DIAPH1: variants seen among roughly 807,000 people sequenced by gnomAD.
The protein encoded by DIAPH1 is protein diaphanous homolog 1.
A neutral mutation model predicts 140.7 loss-of-function variants in DIAPH1; 46 were observed. The observed-to-expected ratio is 0.33, with a 90% CI of 0.26 to 0.42. The LOEUF (loss-of-function observed/expected upper bound fraction) is 0.42. Ranked by LOEUF, DIAPH1 falls within the 10% of genes least tolerant of loss-of-function variation. The pLI is 1.00. For missense variants in DIAPH1, 1,310 were observed against 1,558.7 expected, an observed-to-expected ratio of 0.84 and a Z score of 2.69; for synonymous variants, 565 against 551.6, an observed-to-expected ratio of 1.02 and a Z score of -0.34.
At chr5:141,524,376 C>T in intron 26 of DIAPH1, 147 bp from the exon 27 acceptor site, 1 of 754,710 alleles carries the variant, frequency 1.3e-6, no homozygotes, top group South Asian at 1.5e-5. Flanking sequence ...AGAGCTCAGC[C>T]TTAAGTCTCA....
intron 1 of DIAPH1, among the ~76,000 whole-genome samples, chr5:141,611,919 T>C (rs2099901906): frequency 6.6e-6 from 1 of 151,950 alleles, no homozygotes; most frequent in African/African-American, 2.4e-5. Context: ...ATACAAAAAT[T>C]AGCTGGGTGT....
rs572038270 is a variant in DIAPH1 at position 141,547,281 on chromosome 5, C to T, written c.2483-12848G>A. 5.3e-5 allele frequency among the ~76,000 whole-genome samples: 8 copies of T among 152,162 alleles called. No individual in the cohort carries two copies. In the East Asian group the frequency reaches 1.4e-3, roughly 26 times the overall value. On this transcript the variant is annotated intron_variant, in intron 18 of 27. Transcript: ENST00000389054. Reference sequence around the variant, plus strand: ...GAGATCAAGACCATCCTGGTTAACACGGTGAAACCCCATCTCTACTTAAAA... The same window carrying T: ...GAGATCAAGACCATCCTGGTTAACATGGTGAAACCCCATCTCTACTTAAAA...
chr5:141,527,793 C>T lies in DIAPH1; in HGVS notation c.3149-96G>A, dbSNP rs74493399. On this transcript the variant is annotated intron_variant, in intron 23 of 27. Transcript: ENST00000389054. Reference sequence around the variant, plus strand: ...CACCCCTTAGTTTCACCTTTCAGAGCATAGCTTCAGTCTATACACACATTC... The same window carrying T: ...CACCCCTTAGTTTCACCTTTCAGAGTATAGCTTCAGTCTATACACACATTC... 9.9e-4 allele frequency: 1,382 copies of T among 1,402,338 alleles called. 15 individuals carry two copies. In the African/African-American group the frequency reaches 0.018, roughly 19 times the overall value. 86.9% of individuals were successfully genotyped at this position (1,402,338 alleles called of 1,614,324 possible). A position where few individuals can be genotyped will look rare whatever the true frequency, so the allele number is the denominator to read the frequency against.
chr5:141,540,816 T>G (rs2099889851), intron 18 of DIAPH1, among the ~76,000 whole-genome samples: 1 of 151,424 alleles, frequency 6.6e-6, no homozygotes, highest in African/African-American at 2.4e-5. Context: ...TCCCAGCACT[T>G]TGGGAGGCTG....
At chr5:141,617,181 T>C (rs2099902815) in intron 1 of DIAPH1, among the ~76,000 whole-genome samples, 1 of 150,194 alleles carries the variant, frequency 6.7e-6, no homozygotes, top group South Asian at 2.2e-4. Context: ...AACTTAAGTT[T>C]TGGAAGGAAA....
At chr5:141,519,507 G>C (rs1426210568) in intron 27 of DIAPH1, among the ~76,000 whole-genome samples, 1 of 152,166 alleles carries the variant, frequency 6.6e-6, no homozygotes, top group Non-Finnish European at 1.5e-5. Flanking sequence ...GTCCCATGTG[G>C]TAGGTCTTTA....
chr5:141,578,509 T>C lies in DIAPH1; in HGVS notation c.1044+6A>G, dbSNP rs761243624. Reference sequence around the variant, plus strand: ...CTAGCCTTTCTAATGAAGTGTAATATCTTACCTGCAACACCTGATGTAGCC... The same window carrying C: ...CTAGCCTTTCTAATGAAGTGTAATACCTTACCTGCAACACCTGATGTAGCC... On this transcript the variant is annotated splice_donor_region_variant and intron_variant, in intron 10 of 27. Transcript: ENST00000389054. 1.1e-5 allele frequency: 18 copies of C among 1,610,980 alleles called. No individual in the cohort carries two copies. The highest frequency in any genetic ancestry group is 1.4e-5 in the Non-Finnish European group (16 of 1,177,232).
chr5:141,588,056 C>T (rs2099897810), intron 2 of DIAPH1, among the ~76,000 whole-genome samples, 168 bp downstream of exon 2: 1 of 152,180 alleles, frequency 6.6e-6, no homozygotes. Flanking sequence ...CACGGAAATG[C>T]ATGCAATGGG....
chr5:141,530,066 A>G (rs1167431252), intron 19 of DIAPH1, among the ~76,000 whole-genome samples: 5 of 152,210 alleles, frequency 3.3e-5, no homozygotes, highest in African/African-American at 1.2e-4. Context: ...CCTGAGCAAC[A>G]GAGCGAGACC....
intron 18 of DIAPH1, among the ~76,000 whole-genome samples, chr5:141,548,716 G>A (rs2099891205): frequency 6.6e-6 from 1 of 152,090 alleles, no homozygotes; most frequent in African/African-American, 2.4e-5. Context: ...TCAGGTGGGA[G>A]AATCACCTAA....
At position 141,603,521 on chromosome 5, in the gene DIAPH1, C is replaced by T. The variant is rs908363660; in HGVS notation, c.118-15271G>A. Among the ~76,000 whole-genome samples the T allele has an allele frequency of 3.9e-5, 6 of 152,124 alleles. No individual in the cohort carries two copies. In the South Asian group the frequency reaches 6.2e-4, roughly 16 times the overall value. On this transcript the variant is annotated intron_variant, in intron 1 of 27. Transcript: ENST00000389054. ...TCAGCATCTTTTTCCTAACCCCACC[C>T]GGGAACAATGAAAGATTCTAGGCAG...
chr5:141,591,351 C>T (rs2099898367), intron 1 of DIAPH1, among the ~76,000 whole-genome samples: 1 of 151,904 alleles, frequency 6.6e-6, no homozygotes, highest in African/African-American at 2.4e-5. Flanking sequence ...TTTCCTCTAC[C>T]CATTTCCAGA....
rs543495444 is a variant in DIAPH1, at chr5:141,592,388, A to G, written c.118-4138T>C. On this transcript the variant is annotated intron_variant, in intron 1 of 27. Transcript: ENST00000389054. ...TACTATGTGTGTTCTTACAGATTCT[A>G]TGTTGGCAAACAGCTTTGTTCAGTA... Among the ~76,000 whole-genome samples, 37 of 152,320 alleles carry G rather than the reference A, an allele frequency of 2.4e-4. No individual in the cohort carries two copies. The South Asian group carries it at 7.3e-3, about 30-fold the overall frequency.
In DIAPH1 at chr5:141,534,356, A is replaced by C. The variant is rs924077580; in HGVS notation, c.2560T>G (p.Ser854Ala). 1.2e-6 allele frequency: 2 copies of C among 1,613,674 alleles called. No homozygotes were observed. The highest frequency in any genetic ancestry group is 2.7e-5 in the African/African-American group (2 of 75,064). Residue 854 changes from serine to alanine, a missense_variant, in exon 19 of 28, where the codon TCA (serine) becomes GCA (alanine). Physicochemically the swap from Ser to Ala is moderately conservative, Grantham distance 99 (BLOSUM62 1). Transcript: ENST00000389054. ...KKVKELKVLD[S>A]KTAQNLSIFL... ...TCACAGAGATTCTGGGCTGTCTTTG[A>C]ATCCAACACCTTTAACTCTTTTACT...
chr5:141,540,660 C>T (rs546955373), intron 18 of DIAPH1, among the ~76,000 whole-genome samples: 7 of 152,050 alleles, frequency 4.6e-5, no homozygotes, highest in Non-Finnish European at 1.0e-4. Context: ...AGGGGATCCA[C>T]TCACCTTGGC....
intron 19 of DIAPH1, 46 bp from the exon 20 acceptor site, chr5:141,529,743 C>T (rs750115355): frequency 4.0e-6 from 6 of 1,514,930 alleles, no homozygotes; most frequent in Non-Finnish European, 5.5e-6. Flanking sequence ...CGGTCTGTTC[C>T]CGCTTCCAAC....
intron 19 of DIAPH1, among the ~76,000 whole-genome samples, chr5:141,530,558 T>G (rs913492282): frequency 1.3e-5 from 2 of 152,152 alleles, no homozygotes; most frequent in Non-Finnish European, 1.5e-5. Flanking sequence ...GCAATTCTCT[T>G]TGTGTGTCCC....
chr5:141,602,192 G>A (rs2099900251), intron 1 of DIAPH1, among the ~76,000 whole-genome samples: 7 of 152,230 alleles, frequency 4.6e-5, no homozygotes, highest in African/African-American at 1.7e-4. Flanking sequence ...AGTTACCATT[G>A]AGGCCTGATC....
intron 18 of DIAPH1, among the ~76,000 whole-genome samples, chr5:141,567,159 G>A (rs1414764666): frequency 2.6e-5 from 4 of 152,112 alleles, no homozygotes; most frequent in Non-Finnish European, 5.9e-5. Flanking sequence ...GCTGCCTGTG[G>A]TAAGTGACAT....
Sources: allele counts gnomAD v4.1 joint callset (sites outside exome capture counted in the v4.1 genomes callset), GRCh38; gene constraint gnomAD v4.1.1; transcripts MANE v1.5; gene names NCBI Gene and HGNC (gene_info 2026-07-23, HGNC 2026-07-21).